The following LARGE1 variants were observed in gnomAD, a reference collection of about 807,000 sequenced individuals.
The protein encoded by LARGE1 is xylosyl- and glucuronyltransferase LARGE1.
Under a neutral mutation model 87.6 loss-of-function variants are expected in LARGE1, and 43 were observed. The ratio of observed to expected loss-of-function variants is 0.49; its 90% CI spans 0.38 to 0.63. The LOEUF (loss-of-function observed/expected upper bound fraction) is 0.63. Among genes scored for constraint, LARGE1 ranks in the 30% least tolerant of loss-of-function variants. The pLI, the probability that LARGE1 is intolerant of heterozygous loss-of-function variation, is 0.00. For missense variants in LARGE1, 802 were observed against 1,000.2 expected (o/e 0.80, Z 2.67); for synonymous variants, 434 against 394.6 (o/e 1.10, Z -1.18).
chr22:33,455,888 T>C (rs1024326857), intron 6 of LARGE1, among the ~76,000 whole-genome samples: 12 of 152,064 alleles, frequency 7.9e-5, no homozygotes, highest in Non-Finnish European at 8.8e-5. Context: ...AAGTAACTGG[T>C]ATTTGAAACT....
chr22:33,492,439 A>C (rs2069894670), intron 6 of LARGE1, among the ~76,000 whole-genome samples: 1 of 152,190 alleles, frequency 6.6e-6, no homozygotes, highest in Non-Finnish European at 1.5e-5. Context: ...TTCCCTTTAC[A>C]TCTGTGAATC....
chr22:33,713,141 G>C (rs2082787156), intron 2 of LARGE1, among the ~76,000 whole-genome samples: 1 of 152,104 alleles, frequency 6.6e-6, no homozygotes, highest in Admixed American at 6.5e-5. Flanking sequence ...AAAAAGAGTA[G>C]GGGGATAGAT....
chr22:33,728,047 A>G (rs1320191576), intron 2 of LARGE1, among the ~76,000 whole-genome samples: 1 of 152,156 alleles, frequency 6.6e-6, no homozygotes, highest in Non-Finnish European at 1.5e-5. Flanking sequence ...AGAAAACCCA[A>G]GTCTGATCCA....
intron 2 of LARGE1, among the ~76,000 whole-genome samples, chr22:33,674,825 T>G (rs2081518003): frequency 6.6e-6 from 1 of 152,154 alleles, no homozygotes; most frequent in Non-Finnish European, 1.5e-5. Flanking sequence ...GGAGCTCAAT[T>G]GCAGTGATAT....
At chr22:33,534,448 T>G (rs1427336287) in intron 6 of LARGE1, among the ~76,000 whole-genome samples, 1 of 150,142 alleles carries the variant, frequency 6.7e-6, no homozygotes, top group African/African-American at 2.4e-5. Flanking sequence ...AGTCACTCAC[T>G]GACTTCTACT....
chr22:33,503,242 C>CCT (rs1274977067), intron 6 of LARGE1, among the ~76,000 whole-genome samples: 1 of 142,810 alleles, frequency 7.0e-6, no homozygotes, highest in African/African-American at 2.6e-5. Context: ...AGGAGTTCCC[C>CCT]TTTTTTTTTT....
intron 7 of LARGE1, among the ~76,000 whole-genome samples, chr22:33,416,691 A>G (rs2066500026): frequency 2.0e-5 from 3 of 149,020 alleles, no homozygotes; most frequent in Non-Finnish European, 4.5e-5. Flanking sequence ...GCAACCTCCA[A>G]CTCCTGGGTT....
intron 1 of LARGE1, among the ~76,000 whole-genome samples, chr22:33,855,800 A>G (rs1429484471): frequency 6.6e-6 from 1 of 151,892 alleles, no homozygotes; most frequent in Non-Finnish European, 1.5e-5. Flanking sequence ...TCAGGATACA[A>G]AAATTAATAA....
intron 1 of LARGE1, among the ~76,000 whole-genome samples, chr22:33,862,585 G>A (rs1218425665): frequency 6.6e-6 from 1 of 152,192 alleles, no homozygotes; most frequent in East Asian, 1.9e-4. Flanking sequence ...GAATCACCAG[G>A]AACGCAGGAA....
intron 2 of LARGE1, among the ~76,000 whole-genome samples, chr22:33,753,040 T>C (rs2084379996): frequency 6.6e-6 from 1 of 152,074 alleles, no homozygotes. Flanking sequence ...GCCAACATGA[T>C]GAAAACCTGT....
exon 12 of LARGE1, chr22:33,164,189 G>C (rs185717731): frequency 1.1e-4 from 16 of 152,256 alleles, no homozygotes; most frequent in Admixed American, 3.9e-4. Flanking sequence ...GAAACATCTT[G>C]CAGTTTATGT....
intron 11 of LARGE1, 57 bp from the exon 12 acceptor site, chr22:33,304,564 C>G: frequency 6.7e-7 from 1 of 1,498,234 alleles, no homozygotes; most frequent in Non-Finnish European, 8.9e-7. Context: ...CATCATCCGC[C>G]GGGCCTGTTG....
intron 6 of LARGE1, among the ~76,000 whole-genome samples, chr22:33,491,718 C>G (rs1166655771): frequency 6.6e-6 from 1 of 152,108 alleles, no homozygotes; most frequent in Admixed American, 6.5e-5. Context: ...ATTTTTGTGC[C>G]CACCATTGGG....
intron 4 of LARGE1, among the ~76,000 whole-genome samples, chr22:33,614,739 T>C (rs989485177): frequency 6.6e-6 from 1 of 152,308 alleles, no homozygotes; most frequent in Admixed American, 6.5e-5. Flanking sequence ...TAGCATTTAT[T>C]ATCACTGGAA....
At chr22:33,396,825 C>T (rs1283017012) in intron 7 of LARGE1, among the ~76,000 whole-genome samples, 1 of 152,146 alleles carries the variant, frequency 6.6e-6, no homozygotes, top group Non-Finnish European at 1.5e-5. Context: ...TCTCACTGGA[C>T]AGAAATCATT....
At chr22:33,154,956 G>C in the LARGE1 span, among the ~76,000 whole-genome samples, 1 of 152,172 alleles carries the variant, frequency 6.6e-6, no homozygotes, top group Non-Finnish European at 1.5e-5. Flanking sequence ...TTAAAAATGG[G>C]AGTTTCCCTG....
chr22:33,383,756 C>T (rs1316070087), intron 8 of LARGE1, among the ~76,000 whole-genome samples: 3 of 152,064 alleles, frequency 2.0e-5, no homozygotes, highest in Non-Finnish European at 2.9e-5. Flanking sequence ...CTCTATTTGC[C>T]AGGGAGGCCA....
At chr22:33,545,380 A>G (rs1216346017) in intron 6 of LARGE1, among the ~76,000 whole-genome samples, 2 of 148,854 alleles carry the variant, frequency 1.3e-5, no homozygotes, top group Non-Finnish European at 3.0e-5. Context: ...CAGCCTCCCA[A>G]GTAGCTGGGA....
chr22:33,072,999 C>A, the LARGE1 span, among the ~76,000 whole-genome samples: 158 of 152,206 alleles, frequency 1.0e-3, 2 homozygotes, highest in African/African-American at 3.4e-3. Context: ...TTCCTGCGGC[C>A]GTCTCGAGGG....
Sources: gnomAD v4.1 joint callset for allele counts (sites outside exome capture counted in the v4.1 genomes callset) on GRCh38, gnomAD v4.1.1 for gene constraint, MANE v1.5 for transcripts, NCBI Gene and HGNC (gene_info 2026-07-23, HGNC 2026-07-21) for gene names.